DLG2: variants seen among roughly 807,000 people sequenced by gnomAD.
DLG2 encodes disks large homolog 2.
In DLG2, 45 loss-of-function variants were observed where a neutral mutation model predicts 132.5. That is an observed-to-expected ratio of 0.34 (90% CI 0.27 to 0.44). The LOEUF (loss-of-function observed/expected upper bound fraction) is 0.44. Among genes scored for constraint, DLG2 ranks in the 20% least tolerant of loss-of-function variants. The pLI, the probability that DLG2 is intolerant of heterozygous loss-of-function variation, is 1.00. For synonymous variants in DLG2, 424 were observed against 419.6 expected (o/e 1.01, Z -0.13); for missense variants, 1,045 against 1,196.9 (o/e 0.87, Z 1.87).
intron 11 of DLG2, among the ~76,000 whole-genome samples, chr11:84,043,229 A>AAAT (rs1358901506): frequency 6.6e-6 from 1 of 151,550 alleles, no homozygotes; most frequent in South Asian, 2.1e-4. Flanking sequence ...TTATTGCTTA[A>AAAT]AATAATTTTT....
intron 6 of DLG2, among the ~76,000 whole-genome samples, chr11:84,757,389 T>C (rs573809455): frequency 6.6e-6 from 1 of 152,288 alleles, no homozygotes; most frequent in East Asian, 1.9e-4. Flanking sequence ...TACAAAAGTA[T>C]TGGTCTGCAG....
intron 8 of DLG2, among the ~76,000 whole-genome samples, chr11:84,194,490 G>A (rs2096477049): frequency 6.6e-6 from 1 of 152,190 alleles, no homozygotes; most frequent in African/African-American, 2.4e-5. Context: ...AAAGAACAAA[G>A]ACCCGAGTGG....
chr11:83,773,404 T>C (rs1256410739), intron 18 of DLG2, among the ~76,000 whole-genome samples: 18 of 152,232 alleles, frequency 1.2e-4, no homozygotes, highest in Admixed American at 9.8e-4. Context: ...TTTCAATTAA[T>C]GTTTCCAAGA....
chr11:84,231,455 A>G (rs1166477587), intron 8 of DLG2, among the ~76,000 whole-genome samples: 1 of 152,224 alleles, frequency 6.6e-6, no homozygotes, highest in Non-Finnish European at 1.5e-5. Context: ...AAGTGCTTCA[A>G]GAATGACTGG....
Position 83,471,637 on chromosome 11 carries a change from G to T in DLG2, c.2435C>A (p.Ser812Tyr). The change falls in exon 24 of 28, where the codon TCC becomes TAC. Residue 812 changes from serine to tyrosine, a missense_variant. Coordinates refer to ENST00000376104, the MANE Select transcript of DLG2 (RefSeq NM_001142699.3). Reference protein sequence around the residue: ...LISEFPDKFGSCVPHTTRPKR... With the variant: ...LISEFPDKFGYCVPHTTRPKR... ...AAAATGACACTTACGAGGCACACAG[G>T]AGCCAAATTTATCAGGGAATTCAGA... 1 of 1,612,852 alleles carries T rather than the reference G, an allele frequency of 6.2e-7. No homozygotes were observed. The highest frequency in any genetic ancestry group is 8.5e-7 in the Non-Finnish European group (1 of 1,179,178).
At chr11:85,539,678 A>T (rs1021950218) in intron 3 of DLG2, among the ~76,000 whole-genome samples, 49 of 152,352 alleles carry the variant, frequency 3.2e-4, no homozygotes, top group Admixed American at 6.5e-4. Context: ...TTTTCAAAAA[A>T]TCATCATTAG....
chr11:83,819,095 A>G (rs7924552), intron 17 of DLG2, among the ~76,000 whole-genome samples: 65,596 of 151,892 alleles, frequency 0.43, 14,524 homozygotes, highest in Middle Eastern at 0.62. Flanking sequence ...ACTCAGGTCT[A>G]TATGTGCCTG....
At chr11:84,853,491 A>G (rs1392982099) in intron 6 of DLG2, among the ~76,000 whole-genome samples, 3 of 152,010 alleles carry the variant, frequency 2.0e-5, no homozygotes, top group Admixed American at 6.6e-5. Context: ...CTCAAATCAT[A>G]TATCTTAAAA....
intron 6 of DLG2, among the ~76,000 whole-genome samples, chr11:84,856,631 C>G (rs1286376947): frequency 6.6e-6 from 1 of 152,084 alleles, no homozygotes; most frequent in African/African-American, 2.4e-5. Flanking sequence ...TTTCTCATGG[C>G]TAGTCACCTC....
intron 6 of DLG2, among the ~76,000 whole-genome samples, chr11:84,578,177 T>C (rs2099507634): frequency 6.6e-6 from 1 of 152,118 alleles, no homozygotes; most frequent in Admixed American, 6.5e-5. Flanking sequence ...GGGGCCCTCA[T>C]AGAGAACCAC....
chr11:84,432,089 T>C (rs2098986443), intron 7 of DLG2, among the ~76,000 whole-genome samples: 1 of 152,182 alleles, frequency 6.6e-6, no homozygotes, highest in Non-Finnish European at 1.5e-5. Context: ...TTACAACAAA[T>C]GCACAAGTTG....
chr11:83,964,810 T>G (rs1400147798), intron 13 of DLG2, among the ~76,000 whole-genome samples: 1 of 151,936 alleles, frequency 6.6e-6, no homozygotes, highest in African/African-American at 2.4e-5. Context: ...GATAATTTTC[T>G]CCAGCTTACT....
intron 3 of DLG2, among the ~76,000 whole-genome samples, chr11:85,378,800 G>C (rs1219004760): frequency 6.6e-6 from 1 of 152,070 alleles, no homozygotes; most frequent in African/African-American, 2.4e-5. Context: ...CAAATTACAA[G>C]TTTATTCTCA....
chr11:83,772,466 GAGGA>G (rs1229463616), intron 18 of DLG2, among the ~76,000 whole-genome samples: 80 of 130,968 alleles, frequency 6.1e-4, no homozygotes, highest in African/African-American at 9.6e-4. Context: ...GGGAGGGAGG[GAGGA>G]AGGAAGGAAG....
At chr11:85,158,130 T>C (rs2077727594) in intron 4 of DLG2, among the ~76,000 whole-genome samples, 1 of 152,062 alleles carries the variant, frequency 6.6e-6, no homozygotes, top group Admixed American at 6.6e-5. Flanking sequence ...GGAGGTACAC[T>C]ATACTCAAAA....
intron 6 of DLG2, among the ~76,000 whole-genome samples, chr11:84,820,858 G>T (rs1206189980): frequency 6.6e-6 from 1 of 151,632 alleles, no homozygotes; most frequent in Admixed American, 6.6e-5. Context: ...TTGTTCCAAT[G>T]AGTCTCTTCT....
At chr11:85,616,521 T>C (rs1042768279) in intron 2 of DLG2, among the ~76,000 whole-genome samples, 5 of 152,164 alleles carry the variant, frequency 3.3e-5, no homozygotes, top group Non-Finnish European at 7.4e-5. Flanking sequence ...CCCTACTTTA[T>C]TGCCTCAGGG....
chr11:83,508,555 C>T (rs148589230), intron 21 of DLG2, among the ~76,000 whole-genome samples: 148 of 151,806 alleles, frequency 9.7e-4, no homozygotes, highest in Non-Finnish European at 1.9e-3. Flanking sequence ...AATATACATT[C>T]TTAATACTAG....
chr11:85,346,142 G>C (rs1281488263), intron 3 of DLG2, among the ~76,000 whole-genome samples: 1 of 151,710 alleles, frequency 6.6e-6, no homozygotes, highest in Non-Finnish European at 1.5e-5. Flanking sequence ...GTATATATGA[G>C]ATGTGCTCTG....
Sources: gnomAD v4.1 joint callset for allele counts (sites outside exome capture counted in the v4.1 genomes callset) on GRCh38, gnomAD v4.1.1 for gene constraint, MANE v1.5 for transcripts, NCBI Gene and HGNC (gene_info 2026-07-23, HGNC 2026-07-21) for gene names.